The following PRDM5 variants were observed in gnomAD, a reference collection of about 807,000 sequenced individuals.
PRDM5 encodes the protein PR domain zinc finger protein 5.
A neutral mutation model predicts 81.2 loss-of-function variants in PRDM5; 56 were observed. The observed-to-expected ratio is 0.69, with a 90% confidence interval of 0.56 to 0.86. The LOEUF (loss-of-function observed/expected upper bound fraction) is 0.86, where lower values mean the gene tolerates loss of function less well. Ranked by LOEUF, PRDM5 falls within the 40% of genes least tolerant of loss-of-function variation. The probability of loss-of-function intolerance (pLI) is 0.00; values close to 1 mark genes in which losing one functional copy is unlikely to be tolerated. For missense variants in PRDM5, 697 were observed against 770.1 expected, an observed-to-expected ratio of 0.91 and a Z score of 1.12; for synonymous variants, 267 against 256.4, an observed-to-expected ratio of 1.04 and a Z score of -0.39.
intron 14 of PRDM5, among the ~76,000 whole-genome samples, chr4:120,741,734 G>A (rs1002706094): frequency 5.3e-5 from 8 of 152,098 alleles, no homozygotes; most frequent in Admixed American, 1.3e-4. Context: ...TTAAAAAAAC[G>A]GCACACCACG....
intron 14 of PRDM5, among the ~76,000 whole-genome samples, chr4:120,748,687 T>C (rs1019851987): frequency 6.0e-5 from 9 of 149,440 alleles, no homozygotes; most frequent in Non-Finnish European, 5.9e-5. Context: ...TCCCTCCAAA[T>C]AGCTCTCTCC....
intron 2 of PRDM5, among the ~76,000 whole-genome samples, chr4:120,871,596 G>T (rs1761795872): frequency 6.6e-6 from 1 of 152,070 alleles, no homozygotes; most frequent in African/African-American, 2.4e-5. Context: ...TAAGATATTT[G>T]CATATAGGTC....
chr4:120,837,115 T>C (rs1561439823), intron 3 of PRDM5, among the ~76,000 whole-genome samples: 1 of 152,134 alleles, frequency 6.6e-6, no homozygotes, highest in Non-Finnish European at 1.5e-5. Flanking sequence ...GTCAGTCCAA[T>C]ACTAAGTCTA....
At position 120,818,547 on chromosome 4, in the gene PRDM5, CAT is replaced by C; in HGVS notation, c.476-22_476-21del. 2 of 1,605,226 alleles carry C rather than the reference CAT, an allele frequency of 1.2e-6. No individual in the cohort carries two copies. The highest frequency in any genetic ancestry group is 1.7e-6 in the Non-Finnish European group (2 of 1,172,046). ...GGCGATCTGCACATTCACAAGGAAA[CAT>C]ATTCATGAGACAAAAATTCAGAGCC... On this transcript the variant is annotated intron_variant, in intron 4 of 15. Transcript: ENST00000264808.
Position 120,845,344 on chromosome 4 carries a change from G to A in PRDM5, c.300+8074C>T, listed in dbSNP as rs181106276. Among the ~76,000 whole-genome samples, 25 of 152,336 alleles carry A rather than the reference G, an allele frequency of 1.6e-4. No individual in the cohort carries two copies. In the East Asian group the frequency reaches 3.1e-3, roughly 19 times the overall value. ...CCTGGATTCAAAGCTTCAAAGGACA[G>A]GCTGACTATCTTGTTAGAGTCTAAT... On this transcript the variant is annotated intron_variant, in intron 3 of 15. Coordinates refer to ENST00000264808, the MANE Select transcript of PRDM5 (RefSeq NM_018699.4).
rs1464186572 is a variant in PRDM5 at position 120,774,781 on chromosome 4, C to T, written c.1537+2407G>A. Among the ~76,000 whole-genome samples the T allele has an allele frequency of 2.0e-5, 3 of 151,836 alleles. No homozygotes were observed. The East Asian group carries it at 5.8e-4, about 29-fold the overall frequency. ...TAAGTTTTATTTTAAACAGAAAAAT[C>T]TGGTTAGAAGTAAATAACTAGATAG... On this transcript the variant is annotated intron_variant, in intron 13 of 15. Coordinates refer to ENST00000264808, the MANE Select transcript of PRDM5 (RefSeq NM_018699.4).
chr4:120,710,045 T>C (rs1736728114), intron 15 of PRDM5, among the ~76,000 whole-genome samples: 1 of 152,136 alleles, frequency 6.6e-6, no homozygotes, highest in Non-Finnish European at 1.5e-5. Flanking sequence ...AACTCAACGG[T>C]ATTAAAACAG....
chr4:120,707,515 T>C (rs569747051), intron 15 of PRDM5, among the ~76,000 whole-genome samples: 1 of 151,454 alleles, frequency 6.6e-6, no homozygotes, highest in African/African-American at 2.4e-5. Context: ...ATAGACCCTT[T>C]CCTTATACCA....
At chr4:120,868,020 C>T (rs1761382557) in intron 2 of PRDM5, among the ~76,000 whole-genome samples, 1 of 152,188 alleles carries the variant, frequency 6.6e-6, no homozygotes, top group Admixed American at 6.5e-5. Context: ...TGTTCTGTAT[C>T]ATGAATATGC....
intron 2 of PRDM5, among the ~76,000 whole-genome samples, chr4:120,902,380 A>C (rs1000704791): frequency 6.6e-6 from 1 of 152,252 alleles, no homozygotes; most frequent in Non-Finnish European, 1.5e-5. Context: ...TGGAGACGTA[A>C]AAACAAAGAA....
At chr4:120,838,886 G>A (rs562269423) in intron 3 of PRDM5, 252 of 288,050 alleles carry the variant, frequency 8.7e-4, no homozygotes, top group East Asian at 3.5e-3. Flanking sequence ...TGCATGGAGC[G>A]GCAAGGGGTG....
intron 3 of PRDM5, among the ~76,000 whole-genome samples, chr4:120,845,735 C>T (rs939788988): frequency 6.6e-6 from 1 of 152,204 alleles, no homozygotes; most frequent in Non-Finnish European, 1.5e-5. Context: ...TTCTGAAACA[C>T]ACTTCATAAG....
chr4:120,762,209 TA>T (rs1289569177), intron 13 of PRDM5, among the ~76,000 whole-genome samples: 8 of 152,180 alleles, frequency 5.3e-5, no homozygotes, highest in Non-Finnish European at 7.4e-5. Flanking sequence ...TAAAATGGAA[TA>T]AAGTCAAACT....
At chr4:120,845,064 G>A (rs1402474743) in intron 3 of PRDM5, among the ~76,000 whole-genome samples, 1 of 152,194 alleles carries the variant, frequency 6.6e-6, no homozygotes, top group African/African-American at 2.4e-5. Flanking sequence ...AGACAAGGAA[G>A]CTGCAGAAGA....
At chr4:120,859,132 C>T (rs747721245) in intron 2 of PRDM5, among the ~76,000 whole-genome samples, 1 of 152,032 alleles carries the variant, frequency 6.6e-6, no homozygotes, top group Non-Finnish European at 1.5e-5. Context: ...GAAACTGGGC[C>T]CACAACGGCT....
chr4:120,795,588 CAA>C (rs199790541), intron 10 of PRDM5, among the ~76,000 whole-genome samples: 5 of 111,378 alleles, frequency 4.5e-5, no homozygotes, highest in African/African-American at 7.6e-5. Context: ...ACTAAATTTT[CAA>C]AAAAAAAAAA....
intron 15 of PRDM5, among the ~76,000 whole-genome samples, chr4:120,701,964 C>T (rs569686194): frequency 6.6e-6 from 1 of 152,288 alleles, no homozygotes; most frequent in South Asian, 2.1e-4. Context: ...TCATCATCCT[C>T]AAATAGAGGT....
At chr4:120,895,847 AT>A (rs1764559590) in intron 2 of PRDM5, among the ~76,000 whole-genome samples, 1 of 152,032 alleles carries the variant, frequency 6.6e-6, no homozygotes, top group Non-Finnish European at 1.5e-5. Context: ...TGGCTAATTT[AT>A]TTTTTGTAGA....
chr4:120,748,616 G>C (rs903892078), intron 14 of PRDM5, among the ~76,000 whole-genome samples: 2 of 151,650 alleles, frequency 1.3e-5, no homozygotes, highest in Non-Finnish European at 2.9e-5. Flanking sequence ...ACTCCAGTCT[G>C]GGCAGCAGAG....
Sources: allele counts gnomAD v4.1 joint callset (sites outside exome capture counted in the v4.1 genomes callset), GRCh38; gene constraint gnomAD v4.1.1; transcripts MANE v1.5; gene names NCBI Gene and HGNC (gene_info 2026-07-23, HGNC 2026-07-21).